ACSM2A: variants seen among roughly 807,000 people sequenced by gnomAD.
ACSM2A encodes acyl-CoA synthetase medium chain family member 2A.
Under a neutral mutation model 76.6 loss-of-function variants are expected in ACSM2A, and 72 were observed. The ratio of observed to expected loss-of-function variants is 0.94; its 90% CI spans 0.78 to 1.14. The LOEUF (loss-of-function observed/expected upper bound fraction) is 1.14, where lower values mean the gene tolerates loss of function less well. Among genes scored for constraint, ACSM2A ranks in the 50% most tolerant of loss-of-function variants. The pLI is 0.00. For missense variants in ACSM2A, 684 were observed against 708.5 expected (o/e 0.97, Z 0.39); for synonymous variants, 249 against 255.9 (o/e 0.97, Z 0.26).
At position 20,486,700 on chromosome 16, in the gene ACSM2A, T is replaced by G. The variant is rs752660322; in HGVS notation, c.*22T>G. Reference sequence around the variant, plus strand: ...GTGAGACATCTAAGAGACATTCATTTGGATTCCCCTCTTCTTTCTCTTTCT... The same window carrying G: ...GTGAGACATCTAAGAGACATTCATTGGGATTCCCCTCTTCTTTCTCTTTCT... On this transcript the variant is annotated 3_prime_UTR_variant, in exon 14 of 14. Transcript: ENST00000573854. 5 of 1,612,662 alleles carry G rather than the reference T, an allele frequency of 3.1e-6. No individual in the cohort carries two copies. Among genetic ancestry groups the G allele is most frequent in the Non-Finnish European group, 3.4e-6 (4 of 1,178,730 alleles).
At chr16:20,469,327 C>T (rs1430955522) in intron 3 of ACSM2A, among the ~76,000 whole-genome samples, 185 bp from the exon 4 acceptor site, 1 of 152,062 alleles carries the variant, frequency 6.6e-6, no homozygotes, top group Non-Finnish European at 1.5e-5. Context: ...CTCTGACAAC[C>T]CAGGGAATCC....
At chr16:20,453,420 C>T (rs577976373) in intron 1 of ACSM2A, 158 of 150,186 alleles carry the variant, frequency 1.1e-3, no homozygotes, top group Middle Eastern at 0.01. Flanking sequence ...TTTATCACGT[C>T]CCCAATTAAC....
At chr16:20,470,150 T>G (rs371832345) in intron 4 of ACSM2A, among the ~76,000 whole-genome samples, 1 of 152,068 alleles carries the variant, frequency 6.6e-6, no homozygotes, top group African/African-American at 2.4e-5. Context: ...GTGAATCACT[T>G]GTGATGCACA....
At position 20,461,188 on chromosome 16, in the gene ACSM2A, C is replaced by T. The variant is rs147496569; in HGVS notation, c.177+897C>T. Among the ~76,000 whole-genome samples the T allele has an allele frequency of 9.0e-5, 13 of 144,844 alleles. No homozygotes were observed. In the East Asian group the frequency reaches 2.0e-3, roughly 22 times the overall value. ...ATACATTGGTGCTCAAAAAGAGTCA[C>T]GATTATGACATGATGTCCTAAGTTC... On this transcript the variant is annotated intron_variant, in intron 2 of 13. Coordinates refer to ENST00000573854, the MANE Select transcript of ACSM2A (RefSeq NM_001308172.2).
intron 9 of ACSM2A, 134 bp downstream of exon 9, chr16:20,477,583 T>C (rs1016913429): frequency 7.1e-6 from 10 of 1,412,444 alleles, no homozygotes; most frequent in Non-Finnish European, 8.4e-6. Context: ...AAAAAGGAGG[T>C]AGGGAGGTTG....
intron 12 of ACSM2A, 61 bp downstream of exon 12, chr16:20,480,982 A>T (rs1700809): frequency 0.32 from 514,126 of 1,595,672 alleles, 90,949 homozygotes; most frequent in East Asian, 0.82. Flanking sequence ...GTGTAGTATG[A>T]TGGTTTAAGA....
intron 1 of ACSM2A, among the ~76,000 whole-genome samples, chr16:20,459,624 C>A (rs569964329): frequency 2.6e-4 from 39 of 152,266 alleles, no homozygotes; most frequent in Admixed American, 2.5e-3. Context: ...TTCTGATGAA[C>A]CGTAGAATCC....
chr16:20,452,205 T>G (rs569974673), intron 1 of ACSM2A: 1 of 151,848 alleles, frequency 6.6e-6, no homozygotes, highest in Admixed American at 6.6e-5. Context: ...CAAAAGAGAT[T>G]AACATTTGAG....
chr16:20,475,527 T>G, intron 7 of ACSM2A, 86 bp downstream of exon 7: 2 of 1,604,088 alleles, frequency 1.2e-6, no homozygotes, highest in Non-Finnish European at 1.7e-6. Context: ...TATCTGAATC[T>G]CTCGCACACA....
intron 3 of ACSM2A, among the ~76,000 whole-genome samples, chr16:20,467,962 A>G (rs545870872): frequency 5.3e-4 from 81 of 151,930 alleles, no homozygotes; most frequent in Non-Finnish European, 8.2e-4. Flanking sequence ...GCTCCAACCC[A>G]CCTCATATTC....
chr16:20,467,188 G>T (rs551667316), intron 3 of ACSM2A, among the ~76,000 whole-genome samples: 1 of 152,314 alleles, frequency 6.6e-6, no homozygotes, highest in South Asian at 2.1e-4. Flanking sequence ...GGATATCTAT[G>T]TGCCTGAAGT....
intron 1 of ACSM2A, among the ~76,000 whole-genome samples, chr16:20,455,182 C>A (rs1380836703): frequency 6.6e-6 from 1 of 151,310 alleles, no homozygotes; most frequent in Non-Finnish European, 1.5e-5. Context: ...AATTGGCATC[C>A]TTGAGATAGA....
At chr16:20,454,252 A>G (rs1212480013) in intron 1 of ACSM2A, among the ~76,000 whole-genome samples, 1 of 148,948 alleles carries the variant, frequency 6.7e-6, no homozygotes, top group Non-Finnish European at 1.5e-5. Context: ...AAAAATAGAA[A>G]GAACCTATGT....
chr16:20,469,930 T>A (rs2013281391), intron 4 of ACSM2A, among the ~76,000 whole-genome samples: 1 of 146,588 alleles, frequency 6.8e-6, no homozygotes, highest in South Asian at 2.3e-4. Context: ...GGGCTTGATC[T>A]GCCTGGACCT....
At chr16:20,459,071 C>T (rs1416648747) in intron 1 of ACSM2A, among the ~76,000 whole-genome samples, 2 of 151,372 alleles carry the variant, frequency 1.3e-5, no homozygotes, top group East Asian at 3.9e-4. Context: ...CATATGTTCT[C>T]AGCCATAAGT....
At chr16:20,461,821 A>G (rs1661734377) in intron 2 of ACSM2A, among the ~76,000 whole-genome samples, 1 of 152,176 alleles carries the variant, frequency 6.6e-6, no homozygotes, top group Non-Finnish European at 1.5e-5. Context: ...AAAATAGTTT[A>G]ATTATCACAA....
At chr16:20,486,287 C>T (rs1240390663) in intron 13 of ACSM2A, among the ~76,000 whole-genome samples, 1 of 152,230 alleles carries the variant, frequency 6.6e-6, no homozygotes, top group Non-Finnish European at 1.5e-5. Context: ...AGCTGGGGTC[C>T]AGAGAGACTG....
intron 8 of ACSM2A, 197 bp downstream of exon 8, chr16:20,475,970 A>T: frequency 1.5e-6 from 2 of 1,318,896 alleles, no homozygotes; most frequent in Non-Finnish European, 2.0e-6. Context: ...TTTCTGGGAG[A>T]TTACATTCCA....
In ACSM2A at chr16:20,465,627, C is replaced by G; in HGVS notation, c.288C>G (p.Val96=). 2 of 1,614,014 alleles carry G rather than the reference C, an allele frequency of 1.2e-6. No individual in the cohort carries two copies. Among genetic ancestry groups the G allele is most frequent in the Non-Finnish European group, 1.7e-6 (2 of 1,179,876 alleles). The change falls in exon 3 of 14, where the codon GTC becomes GTG. Residue 96 remains valine, a synonymous_variant. Coordinates refer to ENST00000573854, the MANE Select transcript of ACSM2A (RefSeq NM_001308172.2). The part of the protein sequence containing the change: ...LSENSQQAAN[V]LSGACGLQRG... ...AAAACAGCCAGCAGGCAGCCAACGT[C>G]CTCTCGGGAGCCTGTGGCCTGCAGC... is the stretch of plus-strand genomic sequence containing the variant.
Sources: allele counts gnomAD v4.1 joint callset (sites outside exome capture counted in the v4.1 genomes callset), GRCh38; gene constraint gnomAD v4.1.1; transcripts MANE v1.5; gene names NCBI Gene and HGNC (gene_info 2026-07-23, HGNC 2026-07-21).